Variants in CLEC20A observed in about 807,000 individuals in gnomAD.
CLEC20A encodes C-type lectin domain containing 20A, also known as putative C-type lectin domain family 20 member A.
At chr1:178,486,506 G>A (rs963150055) in intron 5 of CLEC20A, 10 of 398,732 alleles carry the variant, frequency 2.5e-5, no homozygotes, top group Non-Finnish European at 4.4e-6. Flanking sequence ...GAGTCAGGGG[G>A]TGCAGTTGTC....
chr1:178,488,871 G>A (rs745844902), intron 4 of CLEC20A, among the ~76,000 whole-genome samples: 7 of 152,134 alleles, frequency 4.6e-5, no homozygotes, highest in Non-Finnish European at 7.3e-5. Context: ...AAAAGAAACA[G>A]CCAAGGACAA....
chr1:178,494,821 A>G lies in CLEC20A; in HGVS notation c.41-11T>C. 1 of 399,192 alleles carries G rather than the reference A, an allele frequency of 2.5e-6. No homozygotes were observed. Among genetic ancestry groups the G allele is most frequent in the Non-Finnish European group, 4.4e-6 (1 of 226,216 alleles). The allele number at this position is 399,192 out of a possible 1,614,324, so 24.7% of individuals were successfully genotyped here. A position where few individuals can be genotyped will look rare whatever the true frequency, so the allele number is the denominator to read the frequency against. ...TCACCAGCTGCAGGGCTGGAACAGGAGAGGCTGTCATAGCATGGCTGTCCC... is the reference window on the plus strand; with the variant it reads ...TCACCAGCTGCAGGGCTGGAACAGGGGAGGCTGTCATAGCATGGCTGTCCC... On this transcript the variant is annotated splice_polypyrimidine_tract_variant and intron_variant, in intron 1 of 7. Coordinates refer to ENST00000623247, the Ensembl canonical transcript of CLEC20A.
chr1:178,479,362 TC>T (rs1292062848), exon 8 of CLEC20A: 4 of 383,680 alleles, frequency 1.0e-5, no homozygotes, highest in East Asian at 3.7e-5. Flanking sequence ...TTCTGTAAAA[TC>T]CAGGGATGCA....
intron 2 of CLEC20A, chr1:178,493,701 A>C (rs1205074411): frequency 6.6e-6 from 1 of 152,212 alleles, no homozygotes; most frequent in African/African-American, 2.4e-5. Flanking sequence ...GAAGCAGGGG[A>C]TCTCCCAGAG....
chr1:178,492,542 G>A (rs1406901204), exon 3 of CLEC20A: 1 of 398,468 alleles, frequency 2.5e-6, no homozygotes, highest in African/African-American at 2.1e-5. Context: ...GGGCTTCGTG[G>A]AGATGAGGTG....
intron 6 of CLEC20A, chr1:178,482,613 G>A (rs1164849741): frequency 7.9e-6 from 3 of 378,080 alleles, no homozygotes; most frequent in East Asian, 3.8e-5. Flanking sequence ...TGGGTAATGC[G>A]AAGTCTTCCA....
At chr1:178,494,675 T>C (rs1295336268) in exon 2 of CLEC20A, 2 of 398,834 alleles carry the variant, frequency 5.0e-6, no homozygotes, top group Non-Finnish European at 8.8e-6. Context: ...CATGAGGGAG[T>C]AGAGCTTCCA....
chr1:178,499,305 T>C (rs1224595988), upstream of CLEC20A, among the ~76,000 whole-genome samples: 4 of 152,224 alleles, frequency 2.6e-5, no homozygotes, highest in Admixed American at 6.5e-5. Flanking sequence ...GTAGCTGTGA[T>C]GGTTAATATC....
chr1:178,486,974 G>A lies in CLEC20A; in HGVS notation c.928+1527C>T, dbSNP rs576981794. 6.9e-4 allele frequency: 275 copies of A among 395,882 alleles called. 1 individual carries two copies. The highest frequency in any genetic ancestry group is 5.3e-3 in the African/African-American group (257 of 48,630). The allele number at this position is 395,882 out of a possible 1,614,324, so 24.5% of individuals were successfully genotyped here. A position where few individuals can be genotyped will look rare whatever the true frequency, so the allele number is the denominator to read the frequency against. On this transcript the variant is annotated intron_variant, in intron 5 of 7. Transcript: ENST00000623247. ...TAGGAGGTGCGGAGGTCGGGCTCGC[G>A]GGGCTCCGGGCTGCCCCTCTGAGTG...
intron 3 of CLEC20A, 64 bp from the exon 4 acceptor site, chr1:178,490,501 A>T (rs1326884681): frequency 2.5e-6 from 1 of 398,092 alleles, no homozygotes; most frequent in African/African-American, 2.1e-5. Context: ...CCCAGCCTTC[A>T]TCACCCTTGG....
chr1:178,488,382 AC>A (rs34396661), intron 5 of CLEC20A, 118 bp downstream of exon 5: 1 of 396,720 alleles, frequency 2.5e-6, no homozygotes, highest in Non-Finnish European at 4.4e-6. Flanking sequence ...CCCTTAGCTC[AC>A]CCCTTTTCTA....
At position 178,490,755 on chromosome 1, in the gene CLEC20A, G is replaced by C. The variant is rs1649250316; in HGVS notation, c.464-318C>G. 2.0e-5 allele frequency among the ~76,000 whole-genome samples: 3 copies of C among 152,162 alleles called. No homozygotes were observed. The South Asian group carries it at 6.2e-4, about 32-fold the overall frequency. On this transcript the variant is annotated intron_variant, in intron 3 of 7. Transcript: ENST00000623247. ...ACAATGGGAAAATAATAGTACCTAAGGTCAGGATTACATGAAATCACATAT... is the reference window on the plus strand; with the variant it reads ...ACAATGGGAAAATAATAGTACCTAACGTCAGGATTACATGAAATCACATAT...
At chr1:178,482,192 A>G (rs1381153184) in intron 7 of CLEC20A, 120 bp downstream of exon 7, 1 of 396,878 alleles carries the variant, frequency 2.5e-6, no homozygotes, top group Non-Finnish European at 4.4e-6. Flanking sequence ...AAGTGATGGC[A>G]GTGGAACAAG....
intron 3 of CLEC20A, among the ~76,000 whole-genome samples, chr1:178,492,006 C>A (rs1048548809): frequency 6.6e-6 from 1 of 152,062 alleles, no homozygotes; most frequent in Non-Finnish European, 1.5e-5. Context: ...AGACAATGGC[C>A]GGCTCGGTGG....
chr1:178,482,117 A>G (rs1236521771), intron 7 of CLEC20A, 195 bp downstream of exon 7: 18 of 389,676 alleles, frequency 4.6e-5, no homozygotes, highest in Non-Finnish European at 8.1e-5. Context: ...TAGGAAAGAC[A>G]TTGGAGAGGG....
At chr1:178,482,065 A>C (rs995810535) in intron 7 of CLEC20A, 3 of 301,822 alleles carry the variant, frequency 9.9e-6, no homozygotes, top group Non-Finnish European at 1.8e-5. Context: ...TGTCTTGACC[A>C]AAAAAAAACA....
At chr1:178,490,144 T>C (rs1649237495) in exon 4 of CLEC20A, 1 of 398,678 alleles carries the variant, frequency 2.5e-6, no homozygotes, top group Non-Finnish European at 4.4e-6. Context: ...GTCATATAGA[T>C]GCCAAGAGCT....
At chr1:178,494,076 C>T (rs933248770) in intron 2 of CLEC20A, among the ~76,000 whole-genome samples, 1 of 152,172 alleles carries the variant, frequency 6.6e-6, no homozygotes, top group East Asian at 1.9e-4. Context: ...CTCTGTCTCT[C>T]CCTGCCCCGT....
chr1:178,484,412 G>A (rs1476176498), intron 5 of CLEC20A: 1 of 152,124 alleles, frequency 6.6e-6, no homozygotes, highest in African/African-American at 2.4e-5. Context: ...CTTTTGGCTA[G>A]GTGTGATGGC....
Sources: allele counts gnomAD v4.1 joint callset (sites outside exome capture counted in the v4.1 genomes callset), GRCh38; gene constraint gnomAD v4.1.1; transcripts MANE v1.5; gene names NCBI Gene and HGNC (gene_info 2026-07-23, HGNC 2026-07-21).